The following ATP6V1G1 variants were observed in gnomAD, a reference collection of about 807,000 sequenced individuals.
The protein encoded by ATP6V1G1 is V-type proton ATPase subunit G 1.
A neutral mutation model predicts 14.2 loss-of-function variants in ATP6V1G1; 14 were observed. That is an observed-to-expected ratio of 0.99 (90% CI 0.65 to 1.55). ATP6V1G1 has a LOEUF of 1.55. Among genes scored for constraint, ATP6V1G1 ranks in the 40% most tolerant of loss-of-function variants. The pLI is 0.00. For synonymous variants in ATP6V1G1, 65 were observed against 53.3 expected (o/e 1.22, Z -0.96); for missense variants, 137 against 146.4 (o/e 0.94, Z 0.33).
intron 1 of ATP6V1G1, 39 bp from the exon 2 acceptor site, chr9:114,592,513 T>G (rs373215827): frequency 1.3e-6 from 2 of 1,533,916 alleles, no homozygotes; most frequent in African/African-American, 2.8e-5. Context: ...TTTTCTACTT[T>G]TAACCACTTC....
rs568130379 is a variant in ATP6V1G1, at chr9:114,596,751, G to A, written c.184-819G>A. Among the ~76,000 whole-genome samples, 34 of 152,108 alleles carry A rather than the reference G, an allele frequency of 2.2e-4. 1 individual carries two copies. The South Asian group carries it at 7.1e-3, about 32-fold the overall frequency. On this transcript the variant is annotated intron_variant, in intron 2 of 2. Transcript: ENST00000374050. The stretch of plus-strand genomic sequence containing the variant: ...TGAGACTACAGGCATGCACCACCAC[G>A]ACTGGCTTGTGTTTATTATTATTTA...
At position 114,592,663 on chromosome 9, in the gene ATP6V1G1, A is replaced by G. The variant is rs2274595; in HGVS notation, c.183+11A>G. ...GCCAAGGAAGCTGCGGTGGGGCACC[A>G]TTTGTTTTTGTTACTGCTTTAGTTT... On this transcript the variant is annotated intron_variant, in intron 2 of 2. Coordinates refer to ENST00000374050, the MANE Select transcript of ATP6V1G1 (RefSeq NM_004888.4). The G allele has an allele frequency of 0.081, 127,319 of 1,562,984 alleles. 8,495 individuals carry two copies. Among genetic ancestry groups the G allele is most frequent in the East Asian group, 0.36 (15,091 of 42,264 alleles).
Position 114,597,683 on chromosome 9 carries a change from C to G in ATP6V1G1, c.297C>G (p.Leu99=). 2.5e-6 allele frequency: 4 copies of G among 1,593,510 alleles called. No homozygotes were observed. Among genetic ancestry groups the G allele is most frequent in the Non-Finnish European group, 3.4e-6 (4 of 1,172,566 alleles). ...RQNRDEVLDN[L]LAFVCDIRPE... is the part of the protein sequence containing the mutation. ...ACAGGGATGAAGTCTTGGACAACCTCTTGGCTTTTGTCTGTGACATTCGGC... is the reference window on the plus strand; with the variant it reads ...ACAGGGATGAAGTCTTGGACAACCTGTTGGCTTTTGTCTGTGACATTCGGC... The change falls in exon 3 of 3, where the codon CTC becomes CTG. Residue 99 remains leucine, a synonymous_variant. Coordinates refer to ENST00000374050, the MANE Select transcript of ATP6V1G1 (RefSeq NM_004888.4).
In ATP6V1G1 at chr9:114,587,907, C is replaced by T. The variant is rs770609916; in HGVS notation, c.69C>T (p.Ser23=). 1.1e-5 allele frequency: 18 copies of T among 1,580,588 alleles called. No homozygotes were observed. Among genetic ancestry groups the T allele is most frequent in the South Asian group, 2.3e-5 (2 of 86,338 alleles). ...QAEKRAAEKV[S]EARKRKNRRL... is the part of the protein sequence containing the mutation. ...AGAAGCGGGCAGCCGAGAAGGTGTC[C>T]GAGGCCCGCAAAAGTGAGTTTCAGG... Residue 23 remains serine (S), a synonymous_variant, in exon 1 of 3, where the codon TCC becomes TCT. Coordinates refer to ENST00000374050, the MANE Select transcript of ATP6V1G1 (RefSeq NM_004888.4).
At chr9:114,591,688 T>A (rs1845183319) in intron 1 of ATP6V1G1, among the ~76,000 whole-genome samples, 2 of 152,228 alleles carry the variant, frequency 1.3e-5, no homozygotes, top group African/African-American at 4.8e-5. Flanking sequence ...TTTCACTCAT[T>A]CGCGTGGACT....
At chr9:114,595,608 C>T (rs149791957) in intron 2 of ATP6V1G1, among the ~76,000 whole-genome samples, 2,115 of 152,102 alleles carry the variant, frequency 0.014, 32 homozygotes, top group Middle Eastern at 0.034. Flanking sequence ...GAGCCGAGAT[C>T]GTACCACTGC....
chr9:114,588,289 C>A (rs923840808), intron 1 of ATP6V1G1, among the ~76,000 whole-genome samples: 1 of 151,882 alleles, frequency 6.6e-6, no homozygotes, highest in African/African-American at 2.4e-5. Context: ...GGTCTAGAAA[C>A]CTGGAGTCCT....
At chr9:114,593,718 C>T (rs529362416) in intron 2 of ATP6V1G1, among the ~76,000 whole-genome samples, 46 of 151,836 alleles carry the variant, frequency 3.0e-4, no homozygotes, top group African/African-American at 9.4e-4. Flanking sequence ...TGGCTGGTCT[C>T]GAACTCCTGG....
At chr9:114,588,727 A>T (rs985436177) in intron 1 of ATP6V1G1, among the ~76,000 whole-genome samples, 1 of 152,074 alleles carries the variant, frequency 6.6e-6, no homozygotes, top group Non-Finnish European at 1.5e-5. Context: ...TAGACTGGGG[A>T]GTGGAAGAAC....
At chr9:114,592,296 A>G (rs1326430866) in intron 1 of ATP6V1G1, among the ~76,000 whole-genome samples, 2 of 151,988 alleles carry the variant, frequency 1.3e-5, no homozygotes, top group African/African-American at 2.4e-5. Flanking sequence ...ACATTCTACA[A>G]TTTTTTTCCA....
chr9:114,595,238 G>T (rs566206125), intron 2 of ATP6V1G1, among the ~76,000 whole-genome samples: 7 of 152,234 alleles, frequency 4.6e-5, no homozygotes, highest in Non-Finnish European at 1.0e-4. Flanking sequence ...GCGGAGCTTG[G>T]CGTATGGTTT....
chr9:114,589,438 A>C (rs1845161694), intron 1 of ATP6V1G1, among the ~76,000 whole-genome samples: 1 of 152,180 alleles, frequency 6.6e-6, no homozygotes, highest in Non-Finnish European at 1.5e-5. Flanking sequence ...TGCAAGGCGA[A>C]GATACTGATC....
intron 2 of ATP6V1G1, among the ~76,000 whole-genome samples, chr9:114,593,723 T>G (rs1316237683): frequency 1.3e-5 from 2 of 152,056 alleles, no homozygotes. Context: ...GGTCTCGAAC[T>G]CCTGGCCTCA....
At chr9:114,595,586 G>A (rs1431177753) in intron 2 of ATP6V1G1, among the ~76,000 whole-genome samples, 3 of 152,106 alleles carry the variant, frequency 2.0e-5, no homozygotes, top group Admixed American at 2.0e-4. Flanking sequence ...CCCAGGAGGT[G>A]GAGATTGCAG....
In ATP6V1G1 at chr9:114,588,074, G is replaced by A. The variant is rs111996092; in HGVS notation, c.82+154G>A. ...TGTTTCGAAGCTTTGAGGAGCTGAG[G>A]CTCTGGAAGGCTTGCGGATCGCCTG... is the stretch of plus-strand genomic sequence containing the variant. On this transcript the variant is annotated intron_variant, in intron 1 of 2. Coordinates refer to ENST00000374050, the MANE Select transcript of ATP6V1G1 (RefSeq NM_004888.4). 2.3e-4 allele frequency: 180 copies of A among 797,978 alleles called. No individual in the cohort carries two copies. In the African/African-American group the frequency reaches 2.8e-3, roughly 12 times the overall value. 49.4% of individuals were successfully genotyped at this position (797,978 alleles called of 1,614,324 possible). A position where few individuals can be genotyped will look rare whatever the true frequency, so the allele number is the denominator to read the frequency against.
rs781771465 is a variant in ATP6V1G1, at chr9:114,597,617, C to G, written c.231C>G (p.Thr77=). The G allele has an allele frequency of 3.2e-6, 5 of 1,578,400 alleles. No homozygotes were observed. The African/African-American group carries it at 6.9e-5, about 22-fold the overall frequency. The part of the protein sequence containing the change: ...GSCSTEVEKE[T]QEKMTILQTY... ...GCAGCACTGAAGTGGAGAAGGAGAC[C>G]CAGGAGAAGATGACCATCCTCCAGA... Residue 77 remains threonine, a synonymous_variant, in exon 3 of 3, where the codon ACC becomes ACG. Coordinates refer to ENST00000374050, the MANE Select transcript of ATP6V1G1 (RefSeq NM_004888.4).
At chr9:114,594,866 T>C (rs1235377393) in intron 2 of ATP6V1G1, among the ~76,000 whole-genome samples, 1 of 147,730 alleles carries the variant, frequency 6.8e-6, no homozygotes, top group African/African-American at 2.5e-5. Context: ...TTTTTCTTTT[T>C]TTTTTTTTTT....
intron 2 of ATP6V1G1, among the ~76,000 whole-genome samples, chr9:114,596,261 G>A (rs942553167): frequency 9.2e-5 from 14 of 151,874 alleles, no homozygotes; most frequent in Non-Finnish European, 1.3e-4. Flanking sequence ...GGTGGCTGGC[G>A]CCTGTAGTCC....
chr9:114,587,989 G>C (rs1278390077), intron 1 of ATP6V1G1, 69 bp downstream of exon 1: 4 of 1,513,886 alleles, frequency 2.6e-6, no homozygotes, highest in Non-Finnish European at 3.6e-6. Context: ...TCAGGTGGTG[G>C]GTAGATTAGG....
Sources: gnomAD v4.1 joint callset for allele counts (sites outside exome capture counted in the v4.1 genomes callset) on GRCh38, gnomAD v4.1.1 for gene constraint, MANE v1.5 for transcripts, NCBI Gene and HGNC (gene_info 2026-07-23, HGNC 2026-07-21) for gene names.